NUP107: variants seen among roughly 807,000 people sequenced by gnomAD.
The protein encoded by NUP107 is nucleoporin 107.
NUP107 carries 101 observed loss-of-function variants against 141.0 expected under a neutral mutation model. The observed-to-expected ratio is 0.72, with a 90% CI of 0.61 to 0.84. NUP107 has a LOEUF of 0.84. Ranked by LOEUF, NUP107 falls within the 40% of genes least tolerant of loss-of-function variation. The pLI, the probability that NUP107 is intolerant of heterozygous loss-of-function variation, is 0.00. For missense variants in NUP107, 941 were observed against 1,102.7 expected (o/e 0.85, Z 2.08); for synonymous variants, 319 against 363.9 (o/e 0.88, Z 1.41).
At position 68,690,716 on chromosome 12, in the gene NUP107, G is replaced by A; in HGVS notation, c.273G>A (p.Gln91=). 6.2e-7 allele frequency: 1 copy of A among 1,614,156 alleles called. No individual in the cohort carries two copies. The highest frequency in any genetic ancestry group is 2.2e-5 in the East Asian group (1 of 44,882). The part of the protein sequence containing the change: ...GTGGKSPRLT[Q]SSGFFGNLSM... Reference sequence around the variant, plus strand: ...GAGGGAAGTCGCCCCGACTTACGCAGTCTTCAGGGTTCTTTGGAAATCTCT... The same window carrying A: ...GAGGGAAGTCGCCCCGACTTACGCAATCTTCAGGGTTCTTTGGAAATCTCT... The change falls in exon 4 of 28, where the codon CAG becomes CAA. Residue 91 remains glutamine, a synonymous_variant. Transcript: ENST00000229179.
intron 12 of NUP107, among the ~76,000 whole-genome samples, chr12:68,717,317 A>G (rs948301298): frequency 2.0e-5 from 3 of 152,210 alleles, no homozygotes; most frequent in African/African-American, 7.2e-5. Context: ...GTATTTACTT[A>G]TAGCCCTTTT....
chr12:68,715,880 G>A (rs901332154), intron 12 of NUP107, 140 bp downstream of exon 12: 14 of 540,022 alleles, frequency 2.6e-5, no homozygotes, highest in Admixed American at 1.2e-4. Context: ...CTTCCTGTTC[G>A]AACATTTCCG....
At chr12:68,715,261 C>T (rs574930182) in intron 11 of NUP107, among the ~76,000 whole-genome samples, 2 of 152,222 alleles carry the variant, frequency 1.3e-5, no homozygotes, top group African/African-American at 2.4e-5. Flanking sequence ...TTTGGGTGGC[C>T]GAGGTGGGTG....
intron 26 of NUP107, among the ~76,000 whole-genome samples, chr12:68,738,092 T>C (rs1878152438): frequency 6.6e-6 from 1 of 152,100 alleles, no homozygotes; most frequent in Non-Finnish European, 1.5e-5. Flanking sequence ...CTGGCCAATA[T>C]GGTGAAACCC....
At chr12:68,738,188 A>G (rs1878157048) in intron 26 of NUP107, among the ~76,000 whole-genome samples, 1 of 152,172 alleles carries the variant, frequency 6.6e-6, no homozygotes. Flanking sequence ...AGGCAGAAGA[A>G]TCACTTGAAC....
chr12:68,719,504 A>G (rs917717693), intron 13 of NUP107, 73 bp downstream of exon 13: 23 of 1,554,892 alleles, frequency 1.5e-5, no homozygotes, highest in South Asian at 2.3e-5. Context: ...TTTGTGAACT[A>G]TAGCTTCTCT....
At chr12:68,698,521 G>A (rs764320451) in intron 6 of NUP107, among the ~76,000 whole-genome samples, 9 of 152,248 alleles carry the variant, frequency 5.9e-5, no homozygotes, top group Non-Finnish European at 8.8e-5. Flanking sequence ...AGTTTTATTC[G>A]TAACAACTTG....
At chr12:68,719,717 G>A in intron 14 of NUP107, 63 bp downstream of exon 14, 1 of 1,187,876 alleles carries the variant, frequency 8.4e-7, no homozygotes, top group Non-Finnish European at 1.3e-6. Flanking sequence ...AGCCTATTCA[G>A]GGGCTGTGAA....
At chr12:68,722,182 C>T in intron 17 of NUP107, 30 bp downstream of exon 17, 2 of 1,588,814 alleles carry the variant, frequency 1.3e-6, no homozygotes, top group Admixed American at 1.7e-5. Context: ...TGTTAGGTAT[C>T]TGGAATAGGA....
chr12:68,691,841 G>GGAA, intron 4 of NUP107, 127 bp from the exon 5 acceptor site: 27 of 576,122 alleles, frequency 4.7e-5, no homozygotes, highest in South Asian at 6.2e-5. Context: ...CTCAAGAAGG[G>GGAA]AAAAAAAAAA....
At chr12:68,703,009 A>T (rs990288558) in intron 8 of NUP107, among the ~76,000 whole-genome samples, 2 of 151,912 alleles carry the variant, frequency 1.3e-5, no homozygotes, top group Admixed American at 6.6e-5. Flanking sequence ...ACGCCCAGCT[A>T]ATTTTTTGTA....
At position 68,710,084 on chromosome 12, in the gene NUP107, C is replaced by T. The variant is rs142546393; in HGVS notation, c.881C>T (p.Ser294Leu). 6.6e-7 allele frequency: 1 copy of T among 1,520,768 alleles called. No individual in the cohort carries two copies. The highest frequency in any genetic ancestry group is 1.4e-5 in the African/African-American group (1 of 72,934). The allele number at this position is 1,520,768 out of a possible 1,614,324, so 94.2% of individuals were successfully genotyped here. A position where few individuals can be genotyped will look rare whatever the true frequency, so the allele number is the denominator to read the frequency against. ...GATAATATTGAGTTTTATGCAAAAT[C>T]AGTATATTGGTAAGTTACCAAACTT... is the stretch of plus-strand genomic sequence containing the variant. The part of the protein sequence containing the change: ...FSDNIEFYAK[S>L]VYWENTLHTL... Residue 294 changes from serine to leucine, a missense_variant, in exon 10 of 28, where the codon TCA becomes TTA. By Grantham distance (145) the Ser-to-Leu change is moderately radical (BLOSUM62 -2). Coordinates refer to ENST00000229179, the MANE Select transcript of NUP107 (RefSeq NM_020401.4).
At chr12:68,724,930 A>T (rs1459897441) in intron 17 of NUP107, among the ~76,000 whole-genome samples, 15 of 152,220 alleles carry the variant, frequency 9.9e-5, no homozygotes, top group Admixed American at 7.9e-4. Context: ...TGGAACACAA[A>T]GTCCAAACTA....
intron 24 of NUP107, among the ~76,000 whole-genome samples, chr12:68,733,946 G>T (rs1348405460): frequency 6.6e-6 from 1 of 152,156 alleles, no homozygotes; most frequent in Non-Finnish European, 1.5e-5. Context: ...CTCTAGGTTT[G>T]TTATGACTAA....
At chr12:68,710,770 G>A (rs558405580) in intron 10 of NUP107, among the ~76,000 whole-genome samples, 87 of 151,898 alleles carry the variant, frequency 5.7e-4, no homozygotes, top group African/African-American at 2.0e-3. Flanking sequence ...TAACATTTAC[G>A]TTGTATTAGG....
intron 8 of NUP107, among the ~76,000 whole-genome samples, chr12:68,708,603 T>A (rs1459119206): frequency 6.6e-6 from 1 of 152,094 alleles, no homozygotes. Flanking sequence ...AGGGCTGTAT[T>A]CAGCCCTGTA....
Position 68,689,448 on chromosome 12 carries a change from A to G in NUP107, c.101-85A>G, listed in dbSNP as rs1362345356. The G allele has an allele frequency of 2.0e-5, 16 of 784,264 alleles. No homozygotes were observed. The East Asian group carries it at 3.6e-4, about 18-fold the overall frequency. The allele number at this position is 784,264 out of a possible 1,614,324, so 48.6% of individuals were successfully genotyped here. A position where few individuals can be genotyped will look rare whatever the true frequency, so the allele number is the denominator to read the frequency against. Reference sequence around the variant, plus strand: ...ACTTGTTCTTGAAAAATGTATTCACATAATTTGTATAGTAAAAAGATGGTT... The same window carrying G: ...ACTTGTTCTTGAAAAATGTATTCACGTAATTTGTATAGTAAAAAGATGGTT... On this transcript the variant is annotated intron_variant, in intron 2 of 27. Coordinates refer to ENST00000229179, the MANE Select transcript of NUP107 (RefSeq NM_020401.4).
chr12:68,721,710 T>A (rs1325666528), intron 15 of NUP107, 131 bp from the exon 16 acceptor site: 4 of 879,586 alleles, frequency 4.5e-6, no homozygotes, highest in South Asian at 1.8e-5. Flanking sequence ...TTTGGCATAA[T>A]TTTTTTAAAA....
intron 19 of NUP107, 61 bp downstream of exon 19, chr12:68,726,678 A>G (rs577451402): frequency 6.1e-6 from 6 of 986,552 alleles, no homozygotes; most frequent in Admixed American, 2.1e-5. Context: ...CCTATTGTCA[A>G]GAAAACACTA....
Sources: gnomAD v4.1 joint callset for allele counts (sites outside exome capture counted in the v4.1 genomes callset) on GRCh38, gnomAD v4.1.1 for gene constraint, MANE v1.5 for transcripts, NCBI Gene and HGNC (gene_info 2026-07-23, HGNC 2026-07-21) for gene names.